Variants in CACNA2D4 observed in about 807,000 individuals in gnomAD.
CACNA2D4 encodes calcium voltage-gated channel auxiliary subunit alpha2delta 4.
In CACNA2D4, 157 loss-of-function variants were observed where a neutral mutation model predicts 163.8. The ratio of observed to expected loss-of-function variants is 0.96; its 90% confidence interval spans 0.84 to 1.09. The LOEUF is 1.09. CACNA2D4 is among the 50% of genes least tolerant of loss of function. The pLI is 0.00. For synonymous variants in CACNA2D4, 598 were observed against 586.9 expected, an observed-to-expected ratio of 1.02 and a Z score of -0.27; for missense variants, 1,410 against 1,479.9, an observed-to-expected ratio of 0.95 and a Z score of 0.78.
In CACNA2D4 at chr12:1,828,345, T is replaced by C. The variant is rs10437823; in HGVS notation, c.2551+12394A>G. ...AGGCCTACGCCAGATCTTCCTGGGG[T>C]ACCCGAGGCTATGTTCTGGGAAGCC... On this transcript the variant is annotated intron_variant, in intron 26 of 37. Transcript: ENST00000382722. The surrounding 1 kb of genome is among the most constrained non-coding windows in gnomAD (Gnocchi z 4.2). 458,138 of 747,482 alleles carry C rather than the reference T, an allele frequency of 0.61. 142,622 individuals carry two copies. The highest frequency in any genetic ancestry group is 0.71 in the African/African-American group (38,960 of 54,756). 46.3% of individuals were successfully genotyped at this position (747,482 alleles called of 1,614,324 possible).
intron 26 of CACNA2D4, among the ~76,000 whole-genome samples, chr12:1,830,623 T>C (rs965930286): frequency 2.6e-5 from 4 of 152,194 alleles, no homozygotes; most frequent in African/African-American, 7.2e-5. Context: ...TTCCTATCAC[T>C]GCACCAGCAT....
intron 9 of CACNA2D4, 108 bp from the exon 10 acceptor site, chr12:1,885,184 G>T (rs1472679091): frequency 3.5e-6 from 3 of 858,968 alleles, no homozygotes; most frequent in Non-Finnish European, 6.0e-6. Flanking sequence ...AGAAGGACAT[G>T]ATTTCAGGGC....
chr12:1,892,362 A>G (rs1253555210), intron 6 of CACNA2D4, among the ~76,000 whole-genome samples: 1 of 152,238 alleles, frequency 6.6e-6, no homozygotes, highest in East Asian at 1.9e-4. Context: ...CCAGATAAGC[A>G]AAAGCTGAGG....
At chr12:1,908,119 A>C in intron 4 of CACNA2D4, 82 bp from the exon 5 acceptor site, 1 of 1,393,704 alleles carries the variant, frequency 7.2e-7, no homozygotes, top group Middle Eastern at 2.3e-4. Flanking sequence ...GGCGCAGGTG[A>C]GAGGACGAGA....
chr12:1,871,072 C>T (rs1024849543), intron 18 of CACNA2D4, among the ~76,000 whole-genome samples: 19 of 151,416 alleles, frequency 1.3e-4, no homozygotes, highest in South Asian at 4.2e-4. Context: ...GTGGTGTGTA[C>T]GCACGTGTTG....
intron 26 of CACNA2D4, among the ~76,000 whole-genome samples, chr12:1,824,815 G>T (rs1864249167): frequency 1.3e-5 from 2 of 152,288 alleles, no homozygotes; most frequent in South Asian, 4.1e-4. Flanking sequence ...TAAGGAACTA[G>T]GGAGTGCTGG....
In CACNA2D4 at chr12:1,881,079, G is replaced by A. The variant is rs543890782; in HGVS notation, c.1486-1198C>T. Among the ~76,000 whole-genome samples, 15 of 152,326 alleles carry A rather than the reference G, an allele frequency of 9.8e-5. No homozygotes were observed. The South Asian group carries it at 3.1e-3, about 32-fold the overall frequency. Reference sequence around the variant, plus strand: ...CTCAGAGGGTTCCGAAGTGGGTCCGGGAGACCTGCAGGTGACCCTTAACTT... The same window carrying A: ...CTCAGAGGGTTCCGAAGTGGGTCCGAGAGACCTGCAGGTGACCCTTAACTT... On this transcript the variant is annotated intron_variant, in intron 13 of 37. Transcript: ENST00000382722.
intron 26 of CACNA2D4, among the ~76,000 whole-genome samples, chr12:1,832,362 G>A (rs959855901): frequency 3.3e-5 from 5 of 152,208 alleles, no homozygotes; most frequent in Admixed American, 6.5e-5. Flanking sequence ...GGCAATGCAC[G>A]GAACGTGGCT....
chr12:1,876,169 A>T (rs986088395), intron 16 of CACNA2D4, among the ~76,000 whole-genome samples: 3 of 152,182 alleles, frequency 2.0e-5, no homozygotes, highest in African/African-American at 7.2e-5. Context: ...TTGTTTTAGG[A>T]GACTGCTTTC....
chr12:1,818,579 C>T (rs7968704), intron 26 of CACNA2D4, among the ~76,000 whole-genome samples: 70,037 of 150,192 alleles, frequency 0.47, 17,283 homozygotes, highest in African/African-American at 0.59. Flanking sequence ...GCAGCATGCT[C>T]GTTAAAAGTC....
Position 1,861,514 on chromosome 12 carries a change from C to G in CACNA2D4, c.1879-1308G>C, listed in dbSNP as rs113685014. On this transcript the variant is annotated intron_variant, in intron 18 of 37. Transcript: ENST00000382722. ...CTGGAGTGCAATGGCGTGATCTTGACTCATTGCAACCTCCGCCTCCTGGGT... is the reference window on the plus strand; with the variant it reads ...CTGGAGTGCAATGGCGTGATCTTGAGTCATTGCAACCTCCGCCTCCTGGGT... Among the ~76,000 whole-genome samples the G allele has an allele frequency of 9.9e-3, 1,497 of 151,728 alleles. 24 individuals are homozygous for G. Among genetic ancestry groups the G allele is most frequent in the African/African-American group, 0.034 (1,385 of 41,310 alleles).
At chr12:1,871,028 C>T (rs150524300) in intron 18 of CACNA2D4, among the ~76,000 whole-genome samples, 12 of 152,234 alleles carry the variant, frequency 7.9e-5, no homozygotes, top group South Asian at 4.1e-4. Flanking sequence ...GAATGCCAGC[C>T]GCTGGTGTGT....
chr12:1,895,608 T>A (rs188640273), intron 6 of CACNA2D4, among the ~76,000 whole-genome samples: 1 of 152,324 alleles, frequency 6.6e-6, no homozygotes, highest in African/African-American at 2.4e-5. Flanking sequence ...TAGAGCCAGC[T>A]AATTTTCTTT....
At chr12:1,850,003 C>T (rs1291363176) in intron 23 of CACNA2D4, among the ~76,000 whole-genome samples, 1 of 152,058 alleles carries the variant, frequency 6.6e-6, no homozygotes, top group African/African-American at 2.4e-5. Flanking sequence ...TTCCAATCTT[C>T]TATTGTTATT....
chr12:1,893,686 G>A (rs985615665), intron 6 of CACNA2D4, among the ~76,000 whole-genome samples: 3 of 151,906 alleles, frequency 2.0e-5, no homozygotes, highest in African/African-American at 7.3e-5. Flanking sequence ...AAATTAAGGA[G>A]GAAATTTAAA....
intron 26 of CACNA2D4, 128 bp from the exon 27 acceptor site, chr12:1,811,851 G>A: frequency 1.2e-6 from 1 of 853,030 alleles, no homozygotes; most frequent in Non-Finnish European, 1.9e-6. Flanking sequence ...TGGGAGGACT[G>A]AGTCAGAGGG....
At chr12:1,811,787 A>AAGTT in intron 26 of CACNA2D4, 64 bp from the exon 27 acceptor site, 2 of 1,491,862 alleles carry the variant, frequency 1.3e-6, no homozygotes, top group Non-Finnish European at 1.8e-6. Flanking sequence ...AAATAGAGTC[A>AAGTT]AGTTAAAGAG....
chr12:1,879,954 A>C (rs980712959), intron 13 of CACNA2D4, 73 bp from the exon 14 acceptor site: 7 of 979,248 alleles, frequency 7.1e-6, no homozygotes, highest in African/African-American at 4.9e-5. Flanking sequence ...CGGAGCACCC[A>C]GTGCGGAGAA....
At position 1,883,394 on chromosome 12, in the gene CACNA2D4, C is replaced by T. The variant is rs1866053407; in HGVS notation, c.1352-394G>A. Among the ~76,000 whole-genome samples the T allele has an allele frequency of 6.6e-6, 1 of 152,146 alleles. No homozygotes were observed. The highest frequency in any genetic ancestry group is 2.4e-5 in the African/African-American group (1 of 41,414). On this transcript the variant is annotated intron_variant, in intron 12 of 37. Coordinates refer to ENST00000382722, the MANE Select transcript of CACNA2D4 (RefSeq NM_172364.5). This position sits in a 1 kb window ranked among gnomAD's most constrained non-coding sequence, Gnocchi z 4.5. ...CCACTCTTAGGTCTCTTCAGGGAAC[C>T]CAATCAGAGGCAGAGATTTCTGCCT...
Sources: gnomAD v4.1 joint callset for allele counts (sites outside exome capture counted in the v4.1 genomes callset) on GRCh38, gnomAD v4.1.1 for gene constraint, Gnocchi (gnomAD v3.1) non-coding constraint, MANE v1.5 for transcripts, NCBI Gene and HGNC (gene_info 2026-07-23, HGNC 2026-07-21) for gene names.